Variants in TRIM24 observed in about 807,000 individuals in gnomAD.
TRIM24 encodes the protein transcription intermediary factor 1-alpha.
A neutral mutation model predicts 123.9 loss-of-function variants in TRIM24; 29 were observed. The ratio of observed to expected loss-of-function variants is 0.23; its 90% CI spans 0.17 to 0.32. TRIM24 has a LOEUF of 0.32. Among genes scored for constraint, TRIM24 ranks in the 10% least tolerant of loss-of-function variants. TRIM24 has a pLI of 1.00. For synonymous variants in TRIM24, 456 were observed against 461.1 expected (o/e 0.99, Z 0.14); for missense variants, 932 against 1,295.3 (o/e 0.72, Z 4.31).
intron 7 of TRIM24, among the ~76,000 whole-genome samples, chr7:138,539,155 A>C (rs1378093580): frequency 6.6e-6 from 1 of 152,100 alleles, no homozygotes; most frequent in Non-Finnish European, 1.5e-5. Flanking sequence ...CCTCATTCTT[A>C]TGAGATATAC....
intron 1 of TRIM24, among the ~76,000 whole-genome samples, chr7:138,463,627 C>G (rs149480768): frequency 1.3e-5 from 2 of 152,122 alleles, no homozygotes; most frequent in African/African-American, 4.8e-5. Flanking sequence ...GTTTGCCTGG[C>G]CATGACATAT....
chr7:138,580,418 G>A (rs750059772), intron 15 of TRIM24, 144 bp from the exon 16 acceptor site: 2 of 950,670 alleles, frequency 2.1e-6, no homozygotes, highest in Non-Finnish European at 3.1e-6. Context: ...TATACCTAGT[G>A]GTATGTGGTA....
At position 138,515,339 on chromosome 7, in the gene TRIM24, A is replaced by G; in HGVS notation, c.611A>G (p.Gln204Arg). Reference protein sequence around the residue: ...VKFTKDHTVRQKEEVSPEAVG... With the variant: ...VKFTKDHTVRRKEEVSPEAVG... ...TTCACAAAAGACCACACTGTCAGAC[A>G]GAAAGAGGAAGTATCTCCAGGTAAT... The change falls in exon 3 of 19, where the codon CAG (glutamine) becomes CGG (arginine). Residue 204 changes from glutamine (Q) to arginine (R), a missense_variant. Gln to Arg is a conservative substitution (Grantham distance 43). Coordinates refer to ENST00000343526, the MANE Select transcript of TRIM24 (RefSeq NM_015905.3). 2 of 1,613,910 alleles carry G rather than the reference A, an allele frequency of 1.2e-6. No homozygotes were observed. Among genetic ancestry groups the G allele is most frequent in the Middle Eastern group, 1.7e-4 (1 of 6,060 alleles).
chr7:138,495,717 G>A (rs920579400), intron 1 of TRIM24, among the ~76,000 whole-genome samples: 11 of 152,002 alleles, frequency 7.2e-5, no homozygotes, highest in Admixed American at 3.3e-4. Context: ...CAAAATGTTG[G>A]GATTACAGGT....
chr7:138,480,812 G>C (rs139295909), intron 1 of TRIM24, among the ~76,000 whole-genome samples: 1 of 151,942 alleles, frequency 6.6e-6, no homozygotes, highest in Non-Finnish European at 1.5e-5. Flanking sequence ...TGGCAACCTC[G>C]TGGGTGTTTC....
At chr7:138,510,026 T>G in intron 2 of TRIM24, among the ~76,000 whole-genome samples, 1 of 152,138 alleles carries the variant, frequency 6.6e-6, no homozygotes, top group East Asian at 1.9e-4. Context: ...AAGCTGGTTC[T>G]ACAGATATTG....
At chr7:138,555,975 A>G (rs952323050) in intron 9 of TRIM24, among the ~76,000 whole-genome samples, 3 of 152,194 alleles carry the variant, frequency 2.0e-5, no homozygotes, top group Non-Finnish European at 4.4e-5. Context: ...TTTGGTTGTC[A>G]ATATGTAAAC....
chr7:138,546,159 A>G (rs1797098056), intron 7 of TRIM24, among the ~76,000 whole-genome samples: 1 of 152,198 alleles, frequency 6.6e-6, no homozygotes, highest in Non-Finnish European at 1.5e-5. Flanking sequence ...ATTATAGATC[A>G]AGATTAATAT....
intron 7 of TRIM24, among the ~76,000 whole-genome samples, chr7:138,544,189 C>T (rs1404233849): frequency 6.6e-6 from 1 of 152,278 alleles, no homozygotes; most frequent in East Asian, 1.9e-4. Context: ...ACATTTCCTA[C>T]CCACCTAGCC....
chr7:138,537,962 TTAAAA>T (rs1796928750), intron 6 of TRIM24, among the ~76,000 whole-genome samples: 1 of 152,220 alleles, frequency 6.6e-6, no homozygotes, highest in African/African-American at 2.4e-5. Flanking sequence ...TTAGGAACCT[TTAAAA>T]TAACCCAAGT....
chr7:138,488,657 T>C (rs1216272644), intron 1 of TRIM24, among the ~76,000 whole-genome samples: 2 of 152,218 alleles, frequency 1.3e-5, no homozygotes, highest in African/African-American at 2.4e-5. Context: ...GTTGTGCGGT[T>C]TTAAGTGAGT....
At position 138,529,684 on chromosome 7, in the gene TRIM24, C is replaced by T. The variant is rs535411164; in HGVS notation, c.996+454C>T. ...CCTCAACATTTTGTAATTGTAATTG[C>T]GAGAGCAGCACTTAGGGAGATATGC... On this transcript the variant is annotated intron_variant, in intron 6 of 18. Coordinates refer to ENST00000343526, the MANE Select transcript of TRIM24 (RefSeq NM_015905.3). 1.1e-4 allele frequency among the ~76,000 whole-genome samples: 17 copies of T among 152,176 alleles called. No individual in the cohort carries two copies. The East Asian group carries it at 1.5e-3, about 14-fold the overall frequency.
At chr7:138,492,127 C>A (rs570326364) in intron 1 of TRIM24, among the ~76,000 whole-genome samples, 1 of 151,472 alleles carries the variant, frequency 6.6e-6, no homozygotes, top group African/African-American at 2.4e-5. Flanking sequence ...AAAAATTTAG[C>A]CAGGCATGGT....
chr7:138,564,123 A>AG (rs923368256), intron 9 of TRIM24, among the ~76,000 whole-genome samples: 1 of 152,120 alleles, frequency 6.6e-6, no homozygotes, highest in African/African-American at 2.4e-5. Context: ...TCCATGTAGG[A>AG]GGGGGTATGG....
rs911385581 is a variant in TRIM24 at position 138,545,654 on chromosome 7, A to G, written c.1144-5409A>G. On this transcript the variant is annotated intron_variant, in intron 7 of 18. Transcript: ENST00000343526. ...TTCGTTGTTGGTGTGCTGCATCCCA[A>G]TAGCAGTGAGGTCACTTCCTTCCAG... 2.0e-5 allele frequency among the ~76,000 whole-genome samples: 3 copies of G among 152,198 alleles called. No individual in the cohort carries two copies. The East Asian group carries it at 5.8e-4, about 29-fold the overall frequency.
At chr7:138,489,622 G>A (rs1563029900) in intron 1 of TRIM24, among the ~76,000 whole-genome samples, 2 of 152,146 alleles carry the variant, frequency 1.3e-5, no homozygotes, top group African/African-American at 2.4e-5. Flanking sequence ...TGGTTTGACT[G>A]GATGTGAAAT....
At chr7:138,573,371 A>T in intron 11 of TRIM24, 136 bp from the exon 12 acceptor site, 1 of 796,264 alleles carries the variant, frequency 1.3e-6, no homozygotes. Context: ...AATATCTGTT[A>T]GAACTTCTCA....
intron 1 of TRIM24, among the ~76,000 whole-genome samples, chr7:138,477,759 C>T (rs1034746279): frequency 6.6e-6 from 1 of 152,076 alleles, no homozygotes; most frequent in Non-Finnish European, 1.5e-5. Flanking sequence ...CATAGAAATT[C>T]TCAGGATAAT....
rs1798020096 is a variant in TRIM24 at position 138,586,405 on chromosome 7, C to T, written c.*1454C>T. On this transcript the variant is annotated 3_prime_UTR_variant, in exon 19 of 19. Coordinates refer to ENST00000343526, the MANE Select transcript of TRIM24 (RefSeq NM_015905.3). ...AACATAGAAGACTTGGTTTTATCTA[C>T]ATGGCTTTACTTCTTAAAGTGGAAA... The T allele has an allele frequency of 1.3e-5, 2 of 153,662 alleles. No individual in the cohort carries two copies. Among genetic ancestry groups the T allele is most frequent in the Admixed American group, 1.3e-4 (2 of 15,608 alleles). 9.5% of individuals were successfully genotyped at this position (153,662 alleles called of 1,614,324 possible). A position where few individuals can be genotyped will look rare whatever the true frequency, so the allele number is the denominator to read the frequency against.
Sources: gnomAD v4.1 joint callset for allele counts (sites outside exome capture counted in the v4.1 genomes callset) on GRCh38, gnomAD v4.1.1 for gene constraint, MANE v1.5 for transcripts, NCBI Gene and HGNC (gene_info 2026-07-23, HGNC 2026-07-21) for gene names.